The following FRY variants were observed in gnomAD, a reference collection of about 807,000 sequenced individuals.
FRY encodes the protein protein furry homolog.
Under a neutral mutation model 348.4 loss-of-function variants are expected in FRY, and 128 were observed. The observed-to-expected ratio is 0.37, with a 90% confidence interval of 0.32 to 0.43. The LOEUF (loss-of-function observed/expected upper bound fraction) is 0.43, where lower values mean the gene tolerates loss of function less well. Ranked by LOEUF, FRY falls within the 20% of genes least tolerant of loss-of-function variation. FRY has a pLI of 1.00. For synonymous variants in FRY, 1,370 were observed against 1,374.7 expected, an observed-to-expected ratio of 1.00 and a Z score of 0.08; for missense variants, 2,736 against 3,695.2, an observed-to-expected ratio of 0.74 and a Z score of 6.73.
intron 1 of FRY, among the ~76,000 whole-genome samples, chr13:32,041,165 G>A (rs757637983): frequency 6.6e-6 from 1 of 150,542 alleles, no homozygotes; most frequent in Non-Finnish European, 1.5e-5. Flanking sequence ...TCAACTTTTA[G>A]TTTATGAACA....
At chr13:32,033,974 G>A (rs1872374761) in intron 1 of FRY, among the ~76,000 whole-genome samples, 1 of 152,160 alleles carries the variant, frequency 6.6e-6, no homozygotes, top group South Asian at 2.1e-4. Context: ...AGAAACAGAA[G>A]CCCTAAGGCT....
intron 20 of FRY, among the ~76,000 whole-genome samples, chr13:32,177,594 G>GATAAATAAATAAATAAATAAATAA (rs71194512): frequency 6.8e-6 from 1 of 147,854 alleles, no homozygotes; most frequent in African/African-American, 2.5e-5. Context: ...ACTCTGTCTC[G>GATAAATAAATAAATAAATAAATAA]ATAAATAAAT....
At chr13:32,097,786 TAAG>T (rs1437443406) in intron 2 of FRY, among the ~76,000 whole-genome samples, 1 of 151,960 alleles carries the variant, frequency 6.6e-6, no homozygotes, top group Non-Finnish European at 1.5e-5. Flanking sequence ...GTGTGTTGGT[TAAG>T]AAGTTTTTGA....
intron 11 of FRY, among the ~76,000 whole-genome samples, chr13:32,145,261 T>C (rs1880330457): frequency 6.6e-6 from 1 of 152,058 alleles, no homozygotes; most frequent in Admixed American, 6.6e-5. Context: ...ATAGAAAGGA[T>C]TATAATCGGT....
At chr13:32,089,588 C>T (rs138529217) in intron 2 of FRY, among the ~76,000 whole-genome samples, 2,912 of 151,820 alleles carry the variant, frequency 0.019, 74 homozygotes, top group African/African-American at 0.061. Flanking sequence ...CGTGGTGAGA[C>T]CCCCCATCTC....
At chr13:32,270,491 G>A (rs925797340) in intron 55 of FRY, among the ~76,000 whole-genome samples, 14 of 152,214 alleles carry the variant, frequency 9.2e-5, no homozygotes, top group African/African-American at 1.9e-4. Context: ...ACAGGCATGC[G>A]CCACGGCGCC....
chr13:32,102,216 G>T (rs1464886046), intron 3 of FRY, among the ~76,000 whole-genome samples, 200 bp downstream of exon 3: 1 of 152,160 alleles, frequency 6.6e-6, no homozygotes. Context: ...GAATCAAAAA[G>T]AACTGGAAAG....
intron 16 of FRY, among the ~76,000 whole-genome samples, chr13:32,157,878 C>G (rs542832850): frequency 2.0e-5 from 3 of 152,300 alleles, no homozygotes; most frequent in African/African-American, 7.2e-5. Context: ...TATTCAAAAT[C>G]TGAAGATCTA....
rs896422522 is a variant in FRY at position 32,193,209 on chromosome 13, A to G, written c.3592-934A>G. On this transcript the variant is annotated intron_variant, in intron 28 of 60. Coordinates refer to ENST00000542859, the MANE Select transcript of FRY (RefSeq NM_023037.3). ...TCTAGTATGATTTTTTAATTAAAAA[A>G]CTTTGATTAAAAAGAGTCTACTGAG... Among the ~76,000 whole-genome samples, 7 of 150,988 alleles carry G rather than the reference A, an allele frequency of 4.6e-5. No individual in the cohort carries two copies. The Admixed American group carries it at 4.6e-4, about 10-fold the overall frequency.
At position 32,297,178 on chromosome 13, in the gene FRY, T is replaced by G. The variant is rs2072075844; in HGVS notation, c.*1718T>G. ...TATAGAAGAGAGCCTAACCTAGGAT[T>G]TTTTTTAAATCCTAGTAGTTGCTAC... On this transcript the variant is annotated 3_prime_UTR_variant, in exon 61 of 61. Transcript: ENST00000542859. 6.6e-6 allele frequency: 1 copy of G among 152,172 alleles called. No individual in the cohort carries two copies. Among genetic ancestry groups the G allele is most frequent in the Non-Finnish European group, 1.5e-5 (1 of 68,026 alleles). 9.4% of individuals were successfully genotyped at this position (152,172 alleles called of 1,614,324 possible). A position where few individuals can be genotyped will look rare whatever the true frequency, so the allele number is the denominator to read the frequency against.
intron 11 of FRY, among the ~76,000 whole-genome samples, chr13:32,139,136 G>A (rs138029213): frequency 6.1e-4 from 93 of 152,254 alleles, no homozygotes; most frequent in Non-Finnish European, 1.1e-3. Flanking sequence ...TGAATGGACC[G>A]TTTAAAAAAT....
Position 32,147,882 on chromosome 13 carries a change from C to T in FRY, c.1327C>T (p.Arg443Cys), listed in dbSNP as rs1389009409. The T allele has an allele frequency of 1.2e-6, 2 of 1,611,776 alleles. No individual in the cohort carries two copies. Among genetic ancestry groups the T allele is most frequent in the Admixed American group, 1.7e-5 (1 of 60,016 alleles). The change falls in exon 13 of 61, where the codon CGC becomes TGC. Residue 443 changes from arginine (R) to cysteine (C), a missense_variant. This residue lies in a region of FRY where 191 missense variants were observed against 370.2 expected (regional missense o/e 0.52). Transcript: ENST00000542859. Reference protein sequence around the residue: ...IITTLFPKGSRGVVPRDMPLN... With the variant: ...IITTLFPKGSCGVVPRDMPLN... ...CACAACACTTTTCCCCAAAGGGTCC[C>T]GCGGTGTGGTACCAAGGGACATGCC...
rs961613678 is a variant in FRY at position 32,296,915 on chromosome 13, T to C, written c.*1455T>C. The C allele has an allele frequency of 2.6e-4, 40 of 152,248 alleles. No individual in the cohort carries two copies. Among genetic ancestry groups the C allele is most frequent in the African/African-American group, 9.4e-4 (39 of 41,460 alleles). 9.4% of individuals were successfully genotyped at this position (152,248 alleles called of 1,614,324 possible). A position where few individuals can be genotyped will look rare whatever the true frequency, so the allele number is the denominator to read the frequency against. On this transcript the variant is annotated 3_prime_UTR_variant, in exon 61 of 61. Coordinates refer to ENST00000542859, the MANE Select transcript of FRY (RefSeq NM_023037.3). ...AAAAAGTGAGAGCTCTAATTCTCCA[T>C]AACCTATAATTAGGTTGTCATCCTT...
At chr13:32,246,049 T>C (rs996559584) in intron 47 of FRY, among the ~76,000 whole-genome samples, 4 of 152,206 alleles carry the variant, frequency 2.6e-5, no homozygotes, top group African/African-American at 7.2e-5. Context: ...AGTTAACAGT[T>C]TCTCACTTCA....
intron 3 of FRY, among the ~76,000 whole-genome samples, chr13:32,103,775 G>C (rs1223022001): frequency 6.6e-6 from 1 of 152,072 alleles, no homozygotes; most frequent in Non-Finnish European, 1.5e-5. Flanking sequence ...GACCAGACTG[G>C]GAAACATGGC....
chr13:32,183,067 G>GT lies in FRY; in HGVS notation c.3054+39dup, dbSNP rs565571171. On this transcript the variant is annotated intron_variant, in intron 24 of 60. Transcript: ENST00000542859. Reference sequence around the variant, plus strand: ...TTTGAATTTAAAAAATTAAGGCTTGGTTTTTTGGACAATCATCTGAATTTA... The same window carrying GT: ...TTTGAATTTAAAAAATTAAGGCTTGGTTTTTTTGGACAATCATCTGAATTTA... 4.1e-4 allele frequency: 552 copies of GT among 1,353,528 alleles called. 1 individual carries two copies. The African/African-American group carries it at 6.3e-3, about 15-fold the overall frequency. 83.8% of individuals were successfully genotyped at this position (1,353,528 alleles called of 1,614,324 possible). A position where few individuals can be genotyped will look rare whatever the true frequency, so the allele number is the denominator to read the frequency against.
At position 32,173,535 on chromosome 13, in the gene FRY, C is replaced by T; in HGVS notation, c.2320C>T (p.Leu774=). 2 of 1,612,902 alleles carry T rather than the reference C, an allele frequency of 1.2e-6. No homozygotes were observed. The highest frequency in any genetic ancestry group is 1.7e-6 in the Non-Finnish European group (2 of 1,179,248). The change falls in exon 19 of 61, where the codon CTG becomes TTG. Residue 774 remains leucine, a synonymous_variant. Transcript: ENST00000542859. ...LKEIRALFIA[L]GQPEDDDRPM... ...GGAAATTCGAGCGTTGTTTATTGCC[C>T]TGGGGCAGCCTGAGGTATGGATTAG...
At chr13:32,084,263 C>T (rs1416858454) in intron 2 of FRY, among the ~76,000 whole-genome samples, 1 of 152,136 alleles carries the variant, frequency 6.6e-6, no homozygotes, top group African/African-American at 2.4e-5. Context: ...ATTTTTCCTC[C>T]TCTGATCTCA....
chr13:32,109,686 T>A (rs1050372938), intron 3 of FRY, among the ~76,000 whole-genome samples: 1 of 152,058 alleles, frequency 6.6e-6, no homozygotes, highest in African/African-American at 2.4e-5. Flanking sequence ...TTCTATGGGC[T>A]ATGAGCTCTT....
Sources: allele counts gnomAD v4.1 joint callset (sites outside exome capture counted in the v4.1 genomes callset), GRCh38; gene constraint gnomAD v4.1.1; regional missense constraint gnomAD v4.1.1; transcripts MANE v1.5; gene names NCBI Gene and HGNC (gene_info 2026-07-23, HGNC 2026-07-21).